The following PLGRKT variants were observed in gnomAD, a reference collection of about 807,000 sequenced individuals.
PLGRKT encodes plasminogen receptor (KT).
A neutral mutation model predicts 18.5 loss-of-function variants in PLGRKT; 22 were observed. The observed-to-expected ratio is 1.19, with a 90% CI of 0.85 to 1.70. The LOEUF is 1.70. PLGRKT is among the 40% of genes most tolerant of loss of function. The pLI is 0.00. For synonymous variants in PLGRKT, 72 were observed against 52.8 expected (o/e 1.36, Z -1.58); for missense variants, 235 against 174.4 (o/e 1.35, Z -1.96).
intron 3 of PLGRKT, among the ~76,000 whole-genome samples, chr9:5,364,981 T>A (rs956765700): frequency 1.3e-5 from 2 of 152,160 alleles, no homozygotes; most frequent in African/African-American, 4.8e-5. Flanking sequence ...CATGCATAGA[T>A]TAGGCATTCA....
At chr9:5,367,378 G>A (rs967098583) in intron 3 of PLGRKT, among the ~76,000 whole-genome samples, 1 of 152,102 alleles carries the variant, frequency 6.6e-6, no homozygotes, top group Non-Finnish European at 1.5e-5. Context: ...CATGGTACTA[G>A]TACAAAAGCA....
Position 5,424,698 on chromosome 9 carries a change from A to ATACACACACACAC in PLGRKT, c.81+7198_81+7199insGTGTGTGTGTGTA, listed in dbSNP as rs554487361. Among the ~76,000 whole-genome samples the ATACACACACACAC allele has an allele frequency of 1.7e-4, 13 of 75,390 alleles. 2 individuals are homozygous for ATACACACACACAC. The highest frequency in any genetic ancestry group is 5.8e-4 in the East Asian group (2 of 3,448). 49.5% of individuals were successfully genotyped at this position (75,390 alleles called of 152,430 possible). ...TATATATATATATATATATACACAC[A>ATACACACACACAC]GGGGGGGGAGAGAGGGAGAGACAGA... On this transcript the variant is annotated intron_variant, in intron 3 of 5. Transcript: ENST00000223864.
In PLGRKT at chr9:5,387,474, T is replaced by C. The variant is rs868097496; in HGVS notation, c.82-25586A>G. Among the ~76,000 whole-genome samples the C allele has an allele frequency of 9.2e-5, 14 of 152,032 alleles. 1 individual carries two copies. Among genetic ancestry groups the C allele is most frequent in the South Asian group, 2.1e-4 (1 of 4,830 alleles). ...ATACTATAAAACATGGAAAAAATAA[T>C]GTATTACTTCTACAAGCAACAATGT... On this transcript the variant is annotated intron_variant, in intron 3 of 5. Transcript: ENST00000223864.
chr9:5,358,004 A>G lies in PLGRKT; in HGVS notation c.*235T>C, dbSNP rs1028480765. ...ATTCAAAACAATTTATTAATTTTAC[A>G]CTTAGATATTGGTAATGCACACAGA... is the stretch of plus-strand genomic sequence containing the variant. On this transcript the variant is annotated 3_prime_UTR_variant, in exon 6 of 6. Transcript: ENST00000223864. The G allele has an allele frequency of 3.1e-5, 10 of 323,220 alleles. No individual in the cohort carries two copies. The Admixed American group carries it at 4.0e-4, about 13-fold the overall frequency. The allele number at this position is 323,220 out of a possible 1,614,324, so 20.0% of individuals were successfully genotyped here. A position where few individuals can be genotyped will look rare whatever the true frequency, so the allele number is the denominator to read the frequency against.
At chr9:5,390,898 T>C (rs1817938260) in intron 3 of PLGRKT, among the ~76,000 whole-genome samples, 1 of 151,926 alleles carries the variant, frequency 6.6e-6, no homozygotes, top group African/African-American at 2.4e-5. Context: ...AAAAGTTCTA[T>C]TTACTAACAT....
intron 3 of PLGRKT, among the ~76,000 whole-genome samples, chr9:5,382,697 A>T (rs1180870866): frequency 6.6e-6 from 1 of 152,216 alleles, no homozygotes; most frequent in Non-Finnish European, 1.5e-5. Context: ...TGCATTTTAA[A>T]TGCCCTCTGG....
chr9:5,379,202 A>G (rs1817688966), intron 3 of PLGRKT, among the ~76,000 whole-genome samples: 1 of 152,210 alleles, frequency 6.6e-6, no homozygotes, highest in South Asian at 2.1e-4. Flanking sequence ...AGTTATTCAC[A>G]ATATTGTAAA....
chr9:5,396,771 G>A (rs1586724549), intron 3 of PLGRKT, among the ~76,000 whole-genome samples: 1 of 151,940 alleles, frequency 6.6e-6, no homozygotes, highest in Non-Finnish European at 1.5e-5. Context: ...CTGGAAGACT[G>A]GGTAGAAATG....
intron 3 of PLGRKT, chr9:5,381,785 G>C (rs1382229445): frequency 6.2e-6 from 4 of 640,348 alleles, no homozygotes; most frequent in South Asian, 7.0e-5. Flanking sequence ...TTGGAAGTTG[G>C]TCTAGAAACA....
intron 3 of PLGRKT, among the ~76,000 whole-genome samples, chr9:5,426,728 A>G (rs1818709326): frequency 6.6e-6 from 1 of 152,174 alleles, no homozygotes; most frequent in African/African-American, 2.4e-5. Context: ...TAGCTGGGCC[A>G]TTTCCCAGAG....
At chr9:5,359,538 C>T (rs77957161) in intron 5 of PLGRKT, among the ~76,000 whole-genome samples, 22,478 of 152,088 alleles carry the variant, frequency 0.15, 1,931 homozygotes, top group East Asian at 0.3. Flanking sequence ...ATGTTTTCCA[C>T]GTGAGAGAGC....
intron 2 of PLGRKT, among the ~76,000 whole-genome samples, chr9:5,432,910 C>T (rs985751272): frequency 6.6e-6 from 1 of 151,956 alleles, no homozygotes; most frequent in Non-Finnish European, 1.5e-5. Context: ...CCTCTGCCCG[C>T]CCGCCACTCC....
intron 3 of PLGRKT, among the ~76,000 whole-genome samples, chr9:5,398,798 A>G (rs551215739): frequency 2.0e-5 from 3 of 152,044 alleles, no homozygotes; most frequent in Admixed American, 1.3e-4. Context: ...TTTTACCACC[A>G]AGTAGTGATG....
intron 3 of PLGRKT, among the ~76,000 whole-genome samples, chr9:5,367,010 G>A (rs1239602485): frequency 7.7e-6 from 1 of 130,480 alleles, no homozygotes; most frequent in Non-Finnish European, 1.6e-5. Context: ...ATTTACAACA[G>A]ACAGACAGAT....
intron 3 of PLGRKT, among the ~76,000 whole-genome samples, chr9:5,404,315 G>A (rs1039508481): frequency 2.6e-5 from 4 of 152,024 alleles, no homozygotes; most frequent in South Asian, 4.2e-4. Flanking sequence ...TGGCAGAGAT[G>A]CAACAAAAAA....
intron 3 of PLGRKT, among the ~76,000 whole-genome samples, chr9:5,393,881 G>T (rs183838464): frequency 6.6e-6 from 1 of 151,938 alleles, no homozygotes; most frequent in Admixed American, 6.5e-5. Flanking sequence ...TAAGAAAAAG[G>T]CCTATCAAAT....
chr9:5,429,861 G>A (rs1388598952), intron 3 of PLGRKT, among the ~76,000 whole-genome samples: 1 of 152,152 alleles, frequency 6.6e-6, no homozygotes, highest in South Asian at 2.1e-4. Flanking sequence ...TGTTAAAAAT[G>A]AACCCATGGA....
At chr9:5,415,072 G>A (rs1818433368) in intron 3 of PLGRKT, among the ~76,000 whole-genome samples, 1 of 152,148 alleles carries the variant, frequency 6.6e-6, no homozygotes, top group South Asian at 2.1e-4. Context: ...TGACAAAAGG[G>A]ACCAGGACTC....
intron 3 of PLGRKT, among the ~76,000 whole-genome samples, chr9:5,397,910 CCTT>C (rs879787105): frequency 1.8e-4 from 27 of 151,832 alleles, no homozygotes; most frequent in Middle Eastern, 3.2e-3. Flanking sequence ...TTCTTCTCCT[CCTT>C]ATTTCCTTTT....
Sources: gnomAD v4.1 joint callset for allele counts (sites outside exome capture counted in the v4.1 genomes callset) on GRCh38, gnomAD v4.1.1 for gene constraint, MANE v1.5 for transcripts, NCBI Gene and HGNC (gene_info 2026-07-23, HGNC 2026-07-21) for gene names.